STAU1: variants seen among roughly 807,000 people sequenced by gnomAD.
The protein encoded by STAU1 is staufen double-stranded RNA binding protein 1, also known as double-stranded RNA-binding protein Staufen homolog 1.
In STAU1, 13 loss-of-function variants were observed where a neutral mutation model predicts 62.9. That is an observed-to-expected ratio of 0.21 (90% CI 0.13 to 0.33). The LOEUF is 0.33. STAU1 is among the 10% of genes least tolerant of loss of function. The pLI is 1.00. For synonymous variants in STAU1, 269 were observed against 265.1 expected (o/e 1.01, Z -0.14); for missense variants, 571 against 712.1 (o/e 0.80, Z 2.25).
chr20:49,181,077 C>T (rs986768893), intron 1 of STAU1, among the ~76,000 whole-genome samples: 1 of 152,174 alleles, frequency 6.6e-6, no homozygotes, highest in South Asian at 2.1e-4. Context: ...GGAAGCGCAT[C>T]AGCATCCTCA....
At chr20:49,156,792 T>C (rs897869568) in intron 3 of STAU1, among the ~76,000 whole-genome samples, 2 of 152,200 alleles carry the variant, frequency 1.3e-5, no homozygotes, top group Non-Finnish European at 2.9e-5. Context: ...ATCTTGATAA[T>C]TCATCCTGTC....
intron 6 of STAU1, among the ~76,000 whole-genome samples, chr20:49,126,346 G>T (rs907309047): frequency 6.6e-6 from 1 of 151,606 alleles, no homozygotes; most frequent in South Asian, 2.1e-4. Context: ...AGGATCACTT[G>T]AGCTCAGAAG....
rs767899710 is a variant in STAU1, at chr20:49,117,838, T to C, written c.1448A>G (p.His483Arg). 144 of 1,613,992 alleles carry C rather than the reference T, an allele frequency of 8.9e-5. No individual in the cohort carries two copies. The highest frequency in any genetic ancestry group is 1.1e-4 in the Non-Finnish European group (133 of 1,180,022). The change falls in exon 11 of 14, where the codon CAT becomes CGT. Residue 483 changes from histidine (H) to arginine (R), a missense_variant. Around this residue, in one of 3 missense-constraint regions of STAU1, gnomAD observed 156 missense variants for 194.7 expected, o/e 0.80. Transcript: ENST00000371856. The surrounding 1 kb of genome is among the most constrained non-coding windows in gnomAD (Gnocchi z 4.6). ...KNNISSGHVP[H>R]GPLTRPSEQL... Reference sequence around the variant, plus strand: ...CTCAGAGGGTCTCGTGAGAGGTCCATGGGGTACGTGGCCTGAAGAGATGTT... The same window carrying C: ...CTCAGAGGGTCTCGTGAGAGGTCCACGGGGTACGTGGCCTGAAGAGATGTT...
intron 9 of STAU1, among the ~76,000 whole-genome samples, chr20:49,119,301 C>G (rs2092409622): frequency 6.6e-6 from 1 of 152,144 alleles, no homozygotes; most frequent in Non-Finnish European, 1.5e-5. Context: ...CCCATCTCAG[C>G]CTTGTAGCTC....
At chr20:49,150,218 C>T (rs1261018071) in intron 5 of STAU1, among the ~76,000 whole-genome samples, 1 of 152,150 alleles carries the variant, frequency 6.6e-6, no homozygotes. Context: ...AATCCTTTTC[C>T]TATCATGGTG....
chr20:49,199,936 G>A, the STAU1 span, among the ~76,000 whole-genome samples: 3 of 152,026 alleles, frequency 2.0e-5, no homozygotes, highest in East Asian at 1.9e-4. Flanking sequence ...TCTGCAACTC[G>A]TGGCCTCAAG....
chr20:49,114,601 ACCAGC>A lies in STAU1; in HGVS notation c.*272_*276del. On this transcript the variant is annotated 3_prime_UTR_variant, in exon 14 of 14. Coordinates refer to ENST00000371856, the MANE Select transcript of STAU1 (RefSeq NM_017453.4). ...GTGGATCTGCTGGTGTCCCGGGAGA[ACCAGC>A]TGGCTGGGCAGCCCTTCTTCCCCAC... The A allele has an allele frequency of 4.6e-6, 2 of 433,124 alleles. No individual in the cohort carries two copies. The highest frequency in any genetic ancestry group is 4.2e-6 in the Non-Finnish European group (1 of 240,584). 26.8% of individuals were successfully genotyped at this position (433,124 alleles called of 1,614,324 possible).
rs1243706177 is a variant in STAU1, at chr20:49,114,256, T to C, written c.*622A>G. 1 of 152,658 alleles carries C rather than the reference T, an allele frequency of 6.6e-6. No individual in the cohort carries two copies. The highest frequency in any genetic ancestry group is 1.5e-5 in the Non-Finnish European group (1 of 68,038). The allele number at this position is 152,658 out of a possible 1,614,324, so 9.5% of individuals were successfully genotyped here. A position where few individuals can be genotyped will look rare whatever the true frequency, so the allele number is the denominator to read the frequency against. On this transcript the variant is annotated 3_prime_UTR_variant, in exon 14 of 14. Transcript: ENST00000371856. The stretch of plus-strand genomic sequence containing the variant: ...TTGAGAAATTCTCAAATGAAAATTT[T>C]ATATAGTGTCATATCAATCAAAAGA...
chr20:49,203,182 T>C, the STAU1 span, among the ~76,000 whole-genome samples: 1 of 152,150 alleles, frequency 6.6e-6, no homozygotes, highest in East Asian at 1.9e-4. Context: ...CCCAATACTT[T>C]AGGAGCCCGA....
intron 6 of STAU1, among the ~76,000 whole-genome samples, chr20:49,128,301 G>A (rs1344137903): frequency 1.3e-5 from 2 of 152,136 alleles, no homozygotes; most frequent in Non-Finnish European, 2.9e-5. Context: ...ACTACAGCCC[G>A]GGTACCAAGT....
intron 3 of STAU1, among the ~76,000 whole-genome samples, chr20:49,154,890 GC>G (rs779101033): frequency 6.7e-6 from 1 of 149,504 alleles, no homozygotes; most frequent in Non-Finnish European, 1.5e-5. Context: ...TTCGAGACCA[GC>G]CTGGCTAACA....
At chr20:49,137,497 C>T (rs995056826) in intron 5 of STAU1, among the ~76,000 whole-genome samples, 7 of 152,172 alleles carry the variant, frequency 4.6e-5, no homozygotes, top group African/African-American at 1.7e-4. Context: ...TGTTTTTCTT[C>T]ACATTATTGC....
chr20:49,145,284 G>A (rs964940461), intron 5 of STAU1, among the ~76,000 whole-genome samples: 2 of 151,514 alleles, frequency 1.3e-5, no homozygotes, highest in Non-Finnish European at 2.9e-5. Context: ...ATTAGCCGGC[G>A]GTAGTGGCAC....
At chr20:49,115,736 G>C (rs777605783) in intron 13 of STAU1, 46 bp downstream of exon 13, 23 of 1,513,746 alleles carry the variant, frequency 1.5e-5, no homozygotes, top group Middle Eastern at 3.4e-4. Context: ...CAAACGAGGG[G>C]CAGCCTCCCC....
At chr20:49,157,975 T>C (rs6019663) in intron 3 of STAU1, among the ~76,000 whole-genome samples, 111,442 of 151,964 alleles carry the variant, frequency 0.73, 41,735 homozygotes, top group African/African-American at 0.88. Flanking sequence ...TTCACTACTT[T>C]GGAATTTAAC....
At chr20:49,143,866 A>G (rs533667150) in intron 5 of STAU1, among the ~76,000 whole-genome samples, 30 of 152,322 alleles carry the variant, frequency 2.0e-4, no homozygotes, top group Admixed American at 1.8e-3. Context: ...GAAAAAAAGC[A>G]AGGTCCTCTA....
Position 49,166,029 on chromosome 20 carries a change from G to A in STAU1, c.173C>T (p.Ser58Phe). The part of the protein sequence containing the change: ...GRPIQNSALP[S>F]ASITSTSAAA... ...TGCACTGGTGGATGTAATAGATGCA[G>A]AGGGTAAAGCAGAGTTTTGAATGGG... Residue 58 changes from serine to phenylalanine, a missense_variant, in exon 3 of 14, where the codon TCT becomes TTT. Ser to Phe is a radical substitution (Grantham distance 155). Coordinates refer to ENST00000371856, the MANE Select transcript of STAU1 (RefSeq NM_017453.4). The A allele has an allele frequency of 6.2e-7, 1 of 1,614,252 alleles. No homozygotes were observed. Among genetic ancestry groups the A allele is most frequent in the South Asian group, 1.1e-5 (1 of 91,092 alleles).
chr20:49,136,678 T>C (rs1202055189), intron 5 of STAU1, among the ~76,000 whole-genome samples: 1 of 152,110 alleles, frequency 6.6e-6, no homozygotes, highest in Admixed American at 6.6e-5. Flanking sequence ...TGCAGGCTTA[T>C]TTGAACATAA....
At chr20:49,197,868 A>G in the STAU1 span, among the ~76,000 whole-genome samples, 2 of 150,312 alleles carry the variant, frequency 1.3e-5, no homozygotes, top group Non-Finnish European at 3.0e-5. Context: ...ACCACCGCCA[A>G]CTCATTTTTT....
Sources: gnomAD v4.1 joint callset for allele counts (sites outside exome capture counted in the v4.1 genomes callset) on GRCh38, gnomAD v4.1.1 for gene constraint, gnomAD v4.1.1 regional missense constraint, Gnocchi (gnomAD v3.1) non-coding constraint, MANE v1.5 for transcripts, NCBI Gene and HGNC (gene_info 2026-07-23, HGNC 2026-07-21) for gene names.